Variants in CERS6 observed in about 807,000 individuals in gnomAD.
The protein encoded by CERS6 is ceramide synthase 6, also known as LAG1 homolog, ceramide synthase 6.
In CERS6, 26 loss-of-function variants were observed where a neutral mutation model predicts 56.8. That is an observed-to-expected ratio of 0.46 (90% CI 0.34 to 0.63). CERS6 has a LOEUF of 0.63. Among genes scored for constraint, CERS6 ranks in the 30% least tolerant of loss-of-function variants. The pLI is 0.01. For missense variants in CERS6, 415 were observed against 467.5 expected (o/e 0.89, Z 1.04); for synonymous variants, 164 against 173.3 (o/e 0.95, Z 0.42).
chr2:168,642,518 A>T (rs1685074223), intron 4 of CERS6, among the ~76,000 whole-genome samples: 1 of 152,186 alleles, frequency 6.6e-6, no homozygotes, highest in Admixed American at 6.5e-5. Context: ...GGGTCCCATC[A>T]CTAAGAAGTG....
chr2:168,713,868 T>TG (rs996669993), intron 6 of CERS6, among the ~76,000 whole-genome samples: 4 of 152,236 alleles, frequency 2.6e-5, no homozygotes, highest in African/African-American at 9.6e-5. Context: ...AGGCGTATTC[T>TG]GGGAGAAGGA....
chr2:168,600,267 T>C (rs1683902870), intron 3 of CERS6, among the ~76,000 whole-genome samples: 1 of 151,444 alleles, frequency 6.6e-6, no homozygotes, highest in Non-Finnish European at 1.5e-5. Flanking sequence ...TGCAGTGGTG[T>C]GATCTTGGCT....
At chr2:168,554,071 G>T (rs1558995439) in intron 2 of CERS6, among the ~76,000 whole-genome samples, 1 of 151,956 alleles carries the variant, frequency 6.6e-6, no homozygotes, top group South Asian at 2.1e-4. Context: ...AGGAAATAAG[G>T]CTACTTTAAA....
chr2:168,718,275 G>A (rs1687277179), intron 8 of CERS6, among the ~76,000 whole-genome samples: 1 of 152,178 alleles, frequency 6.6e-6, no homozygotes, highest in Admixed American at 6.5e-5. Context: ...AGCTGTGAAG[G>A]TTGGAATTAA....
intron 4 of CERS6, among the ~76,000 whole-genome samples, chr2:168,667,690 A>C (rs563158859): frequency 6.6e-6 from 1 of 152,158 alleles, no homozygotes; most frequent in Non-Finnish European, 1.5e-5. Flanking sequence ...CCAGATAAGG[A>C]AAATGGAGGA....
intron 3 of CERS6, among the ~76,000 whole-genome samples, chr2:168,613,803 G>A (rs558075582): frequency 1.6e-4 from 24 of 152,248 alleles, no homozygotes; most frequent in Admixed American, 1.2e-3. Context: ...CATGATGCTC[G>A]GTTCAAGTGG....
At chr2:168,609,690 G>T (rs1684137757) in intron 3 of CERS6, among the ~76,000 whole-genome samples, 1 of 152,072 alleles carries the variant, frequency 6.6e-6, no homozygotes, top group African/African-American at 2.4e-5. Context: ...GAGAGGATTT[G>T]GACATTGGGA....
At chr2:168,591,292 G>A (rs1339354849) in intron 3 of CERS6, among the ~76,000 whole-genome samples, 1 of 152,144 alleles carries the variant, frequency 6.6e-6, no homozygotes, top group Non-Finnish European at 1.5e-5. Flanking sequence ...ATTTCTCTTT[G>A]TCTCTAGAAG....
intron 1 of CERS6, among the ~76,000 whole-genome samples, chr2:168,501,687 G>T (rs1694583224): frequency 6.6e-6 from 1 of 152,176 alleles, no homozygotes; most frequent in South Asian, 2.1e-4. Context: ...TGCCAGACCA[G>T]CTGTCTTTTA....
rs377450854 is a variant in CERS6, at chr2:168,535,814, A to G, written c.171-11782A>G. 1.0e-4 allele frequency among the ~76,000 whole-genome samples: 15 copies of G among 146,312 alleles called. No individual in the cohort carries two copies. In the East Asian group the frequency reaches 1.6e-3, roughly 16 times the overall value. ...ACATGAGAAATTTATTGGTATTCTT[A>G]TTTTTCCAAATCATTGGCTATATTT... On this transcript the variant is annotated intron_variant, in intron 1 of 9. Coordinates refer to ENST00000305747, the MANE Select transcript of CERS6 (RefSeq NM_203463.3).
At chr2:168,565,598 G>A (rs1158513245) in intron 3 of CERS6, among the ~76,000 whole-genome samples, 1 of 152,194 alleles carries the variant, frequency 6.6e-6, no homozygotes, top group African/African-American at 2.4e-5. Context: ...CAGCAGTGTG[G>A]AATAGCACCA....
At chr2:168,623,173 C>T (rs1446200147) in intron 3 of CERS6, among the ~76,000 whole-genome samples, 1 of 152,176 alleles carries the variant, frequency 6.6e-6, no homozygotes. Context: ...TTAACCAAGA[C>T]TTCAAGCCCA....
At chr2:168,745,594 A>G in intron 8 of CERS6, among the ~76,000 whole-genome samples, 1 of 152,192 alleles carries the variant, frequency 6.6e-6, no homozygotes, top group Non-Finnish European at 1.5e-5. Context: ...AAGACCTTCA[A>G]CCCTAAAATT....
chr2:168,757,318 G>A (rs1196014810), intron 8 of CERS6, among the ~76,000 whole-genome samples: 1 of 149,914 alleles, frequency 6.7e-6, no homozygotes, highest in African/African-American at 2.5e-5. Flanking sequence ...AAGAATGCAG[G>A]CAGACATACA....
At position 168,576,415 on chromosome 2, in the gene CERS6, C is replaced by T. The variant is rs76430388; in HGVS notation, c.407+15093C>T. On this transcript the variant is annotated intron_variant, in intron 3 of 9. Coordinates refer to ENST00000305747, the MANE Select transcript of CERS6 (RefSeq NM_203463.3). ...TTTTGAGTGCCTACTTTATGCCCAG[C>T]GGTCTTGTAAGTGCTTGGGATATGG... 4.7e-3 allele frequency among the ~76,000 whole-genome samples: 715 copies of T among 152,212 alleles called. 9 individuals carry two copies. The highest frequency in any genetic ancestry group is 0.016 in the African/African-American group (665 of 41,514).
chr2:168,609,984 T>TTG (rs1417922305), intron 3 of CERS6, among the ~76,000 whole-genome samples: 3 of 145,080 alleles, frequency 2.1e-5, no homozygotes, highest in East Asian at 4.0e-4. Flanking sequence ...GTTTTTTTTT[T>TTG]TTTTTTTTTT....
chr2:168,647,619 G>A (rs1364905611), intron 4 of CERS6, among the ~76,000 whole-genome samples: 6 of 152,168 alleles, frequency 3.9e-5, no homozygotes, highest in African/African-American at 4.8e-5. Context: ...TCCAGCTTTT[G>A]CCCATTCAGT....
At chr2:168,618,146 A>G (rs935806387) in intron 3 of CERS6, among the ~76,000 whole-genome samples, 8 of 152,338 alleles carry the variant, frequency 5.3e-5, no homozygotes, top group East Asian at 1.9e-4. Context: ...GATCATCTCA[A>G]TAGACCAAGA....
At chr2:168,717,313 TGA>T (rs766175120) in intron 7 of CERS6, among the ~76,000 whole-genome samples, 1 of 152,162 alleles carries the variant, frequency 6.6e-6, no homozygotes, top group Non-Finnish European at 1.5e-5. Flanking sequence ...TCTAAGTTCA[TGA>T]GAGTAAGCCA....
Sources: allele counts gnomAD v4.1 joint callset (sites outside exome capture counted in the v4.1 genomes callset), GRCh38; gene constraint gnomAD v4.1.1; transcripts MANE v1.5; gene names NCBI Gene and HGNC (gene_info 2026-07-23, HGNC 2026-07-21).